Variants in RDX observed in about 807,000 individuals in gnomAD.
RDX encodes deafness, autosomal recessive 24.
In RDX, 32 loss-of-function variants were observed where a neutral mutation model predicts 83.7. The ratio of observed to expected loss-of-function variants is 0.38; its 90% CI spans 0.29 to 0.51. The LOEUF (loss-of-function observed/expected upper bound fraction) is 0.51, where lower values mean the gene tolerates loss of function less well. Ranked by LOEUF, RDX falls within the 20% of genes least tolerant of loss-of-function variation. The pLI is 0.87. For synonymous variants in RDX, 229 were observed against 222.7 expected (o/e 1.03, Z -0.25); for missense variants, 600 against 689.9 (o/e 0.87, Z 1.46).
At chr11:110,211,115 C>T (rs1863818805) in intron 14 of RDX, among the ~76,000 whole-genome samples, 3 of 152,112 alleles carry the variant, frequency 2.0e-5, no homozygotes, top group Admixed American at 6.5e-5. Flanking sequence ...TGCAGAGACA[C>T]ACATAGGCTC....
chr11:110,259,784 T>C (rs1238135333), intron 5 of RDX, among the ~76,000 whole-genome samples: 1 of 152,194 alleles, frequency 6.6e-6, no homozygotes, highest in Non-Finnish European at 1.5e-5. Flanking sequence ...ATGCCAGTAC[T>C]AAAGAGGGCC....
intron 15 of RDX, among the ~76,000 whole-genome samples, chr11:110,186,363 G>A (rs1862986852): frequency 6.6e-6 from 1 of 152,028 alleles, no homozygotes; most frequent in Non-Finnish European, 1.5e-5. Context: ...TTGACTAGGT[G>A]GTGCTTTGAC....
At chr11:110,201,149 C>A (rs1016237298) in intron 14 of RDX, among the ~76,000 whole-genome samples, 10 of 143,880 alleles carry the variant, frequency 7.0e-5, no homozygotes, top group African/African-American at 2.6e-4. Context: ...ACACTCCAGC[C>A]TGGGCAAGAA....
intron 9 of RDX, among the ~76,000 whole-genome samples, chr11:110,249,257 C>A (rs1432478931): frequency 6.6e-6 from 1 of 152,016 alleles, no homozygotes; most frequent in Non-Finnish European, 1.5e-5. Context: ...TTTAATGTTC[C>A]ACAAAAAGAG....
chr11:110,257,751 C>T lies in RDX; in HGVS notation c.698+16G>A, dbSNP rs201687865. ...ACTGAACAATGACTAGTTCACTATGCAACTAATTTACTTACTTGTCGTCAT... is the reference window on the plus strand; with the variant it reads ...ACTGAACAATGACTAGTTCACTATGTAACTAATTTACTTACTTGTCGTCAT... On this transcript the variant is annotated intron_variant, in intron 7 of 13. Coordinates refer to ENST00000645495, the MANE Select transcript of RDX (RefSeq NM_002906.4). The T allele has an allele frequency of 5.6e-6, 9 of 1,610,936 alleles. No homozygotes were observed. The highest frequency in any genetic ancestry group is 7.6e-6 in the Non-Finnish European group (9 of 1,179,064).
At chr11:110,175,806 C>G (rs1862761793) in intron 15 of RDX, among the ~76,000 whole-genome samples, 1 of 152,236 alleles carries the variant, frequency 6.6e-6, no homozygotes, top group Non-Finnish European at 1.5e-5. Context: ...TCAGTAAACT[C>G]TGGAGGAGAT....
intron 14 of RDX, among the ~76,000 whole-genome samples, chr11:110,216,954 TACCTACCCC>T (rs1864076619): frequency 6.6e-6 from 1 of 152,238 alleles, no homozygotes; most frequent in African/African-American, 2.4e-5. Flanking sequence ...ACACAGGGCC[TACCTACCCC>T]ATATGTAAAG....
At chr11:110,250,598 T>G (rs539602406) in intron 9 of RDX, among the ~76,000 whole-genome samples, 2 of 152,174 alleles carry the variant, frequency 1.3e-5, no homozygotes, top group Admixed American at 1.3e-4. Context: ...AGCTTTTCCC[T>G]ATTGATGTTT....
In RDX at chr11:110,270,683, C is replaced by T. The variant is rs1017291934; in HGVS notation, c.96+1853G>A. Among the ~76,000 whole-genome samples the T allele has an allele frequency of 7.2e-5, 11 of 152,296 alleles. No homozygotes were observed. The South Asian group carries it at 2.3e-3, about 32-fold the overall frequency. ...CAAACAGCTGCAACTACAACTATTG[C>T]AGGCAGTGTGACTCCAGTGCCCACA... On this transcript the variant is annotated intron_variant, in intron 3 of 13. Transcript: ENST00000645495.
At chr11:110,226,528 T>C (rs894880838), downstream of RDX, among the ~76,000 whole-genome samples, 1 of 152,056 alleles carries the variant, frequency 6.6e-6, no homozygotes, top group African/African-American at 2.4e-5. Flanking sequence ...TCCGGGAAGA[T>C]GAGAACATCC....
chr11:110,238,778 G>A (rs1333493060), intron 10 of RDX, among the ~76,000 whole-genome samples: 1 of 151,714 alleles, frequency 6.6e-6, no homozygotes, highest in Non-Finnish European at 1.5e-5. Flanking sequence ...ACAAAAATTA[G>A]CCAGGCATGG....
chr11:110,248,399 T>C (rs1409533097), intron 9 of RDX, among the ~76,000 whole-genome samples: 2 of 152,182 alleles, frequency 1.3e-5, no homozygotes, highest in African/African-American at 2.4e-5. Flanking sequence ...CATACACTCA[T>C]GTACGTACAT....
intron 15 of RDX, among the ~76,000 whole-genome samples, chr11:110,189,127 A>G (rs141423433): frequency 0.017 from 2,529 of 151,796 alleles, 85 homozygotes; most frequent in African/African-American, 0.056. Context: ...ATTTAATGAC[A>G]CCCATAGGTT....
intron 1 of RDX, among the ~76,000 whole-genome samples, chr11:110,295,951 T>C (rs1282078247): frequency 6.6e-6 from 1 of 152,236 alleles, no homozygotes; most frequent in East Asian, 1.9e-4. Context: ...GCACGCTCTC[T>C]AGTAATTTAA....
intron 11 of RDX, 73 bp downstream of exon 11, chr11:110,237,419 C>CT: frequency 6.9e-7 from 1 of 1,456,082 alleles, no homozygotes; most frequent in African/African-American, 1.4e-5. Context: ...GGTTGCTTTT[C>CT]TTTTTTTCTT....
rs2134292979 is a variant in RDX, at chr11:110,230,210, A to G, written c.*1659T>C. The G allele has an allele frequency of 6.6e-6, 1 of 152,292 alleles. No homozygotes were observed. Among genetic ancestry groups the G allele is most frequent in the African/African-American group, 2.4e-5 (1 of 41,586 alleles). 9.4% of individuals were successfully genotyped at this position (152,292 alleles called of 1,614,324 possible). A position where few individuals can be genotyped will look rare whatever the true frequency, so the allele number is the denominator to read the frequency against. Reference sequence around the variant, plus strand: ...ATAAAATGGCAATTTTAATAGATAAATGTAAATTTGACTGTGTAATACCAA... The same window carrying G: ...ATAAAATGGCAATTTTAATAGATAAGTGTAAATTTGACTGTGTAATACCAA... On this transcript the variant is annotated 3_prime_UTR_variant, in exon 14 of 14. Coordinates refer to ENST00000645495, the MANE Select transcript of RDX (RefSeq NM_002906.4).
chr11:110,279,643 TTA>T (rs1565332125), intron 2 of RDX, 36 bp downstream of exon 2: 1 of 1,357,954 alleles, frequency 7.4e-7, no homozygotes, highest in South Asian at 1.2e-5. Context: ...TGATATCTTA[TTA>T]TTGAGACACT....
intron 15 of RDX, among the ~76,000 whole-genome samples, chr11:110,198,286 A>AAG (rs984916132): frequency 2.0e-5 from 3 of 148,674 alleles, no homozygotes; most frequent in Non-Finnish European, 4.4e-5. Context: ...GTCTCTGCCA[A>AAG]AAAAAAAAAG....
chr11:110,204,033 C>A (rs760234044), intron 14 of RDX, among the ~76,000 whole-genome samples: 1 of 145,676 alleles, frequency 6.9e-6, no homozygotes, highest in Non-Finnish European at 1.5e-5. Context: ...CAGAGTGAGA[C>A]CCCATCTCAA....
Sources: allele counts gnomAD v4.1 joint callset (sites outside exome capture counted in the v4.1 genomes callset), GRCh38; gene constraint gnomAD v4.1.1; transcripts MANE v1.5; gene names NCBI Gene and HGNC (gene_info 2026-07-23, HGNC 2026-07-21).